ENPP2: variants seen among roughly 807,000 people sequenced by gnomAD.
The protein encoded by ENPP2 is ectonucleotide pyrophosphatase/phosphodiesterase 2.
A neutral mutation model predicts 120.2 loss-of-function variants in ENPP2; 51 were observed. The ratio of observed to expected loss-of-function variants is 0.42; its 90% CI spans 0.34 to 0.54. The LOEUF (loss-of-function observed/expected upper bound fraction) is 0.54, where lower values mean the gene tolerates loss of function less well. Ranked by LOEUF, ENPP2 falls within the 20% of genes least tolerant of loss-of-function variation. ENPP2 has a pLI of 0.04. For missense variants in ENPP2, 920 were observed against 1,066.5 expected (o/e 0.86, Z 1.91); for synonymous variants, 365 against 366.4 (o/e 1.00, Z 0.04).
chr8:119,563,352 T>A (rs1814128165), intron 23 of ENPP2, among the ~76,000 whole-genome samples: 2 of 152,184 alleles, frequency 1.3e-5, no homozygotes, highest in African/African-American at 4.8e-5. Flanking sequence ...TGGTGGGTTC[T>A]GAGTGCCAGG....
chr8:119,586,341 A>G, intron 14 of ENPP2, 28 bp from the exon 15 acceptor site: 1 of 1,610,080 alleles, frequency 6.2e-7, no homozygotes, highest in Non-Finnish European at 8.5e-7. Flanking sequence ...ATCAGACTTC[A>G]GATGGAATGT....
upstream of ENPP2, among the ~76,000 whole-genome samples, chr8:119,639,034 T>C (rs1817179624): frequency 6.6e-6 from 1 of 152,124 alleles, no homozygotes; most frequent in South Asian, 2.1e-4. Context: ...CACAGACACT[T>C]TCATGTGGTA....
intron 1 of ENPP2, among the ~76,000 whole-genome samples, chr8:119,671,396 G>T (rs1392292052): frequency 1.3e-5 from 2 of 152,218 alleles, no homozygotes; most frequent in Admixed American, 6.5e-5. Context: ...ATGGGAAGTT[G>T]TGGCCAGAAT....
rs781724289 is a variant in ENPP2 at position 119,570,763 on chromosome 8, C to T, written c.1859G>A (p.Ser620Asn). 1.3e-6 allele frequency: 2 copies of T among 1,594,534 alleles called. No homozygotes were observed. Among genetic ancestry groups the T allele is most frequent in the Non-Finnish European group, 1.7e-6 (2 of 1,167,596 alleles). ...CATTAGGAATATTTCACTATAACCA[C>T]TTTCAAAGTCAGTGTGATATAAGAT... ...YDILYHTDFE[S>N]GYSEIFLMPL... Residue 620 changes from serine (S) to asparagine (N), a missense_variant, in exon 20 of 25, where the codon AGT becomes AAT. Coordinates refer to ENST00000075322, the MANE Select transcript of ENPP2 (RefSeq NM_001040092.3).
intron 5 of ENPP2, chr8:119,618,015 A>G (rs538739015): frequency 2.4e-5 from 6 of 253,024 alleles, no homozygotes; most frequent in South Asian, 2.3e-4. Context: ...CAAGCCAGTC[A>G]TGGTTAAATC....
At chr8:119,573,599 G>A (rs1231587916) in intron 19 of ENPP2, among the ~76,000 whole-genome samples, 1 of 151,926 alleles carries the variant, frequency 6.6e-6, no homozygotes, top group African/African-American at 2.4e-5. Flanking sequence ...GATCACTTGA[G>A]GTCAGGAGTT....
Position 119,562,898 on chromosome 8 carries a change from AG to A in ENPP2, c.2379del (p.Phe794SerfsTer23). 6.2e-7 allele frequency: 1 copy of A among 1,614,176 alleles called. No homozygotes were observed. The highest frequency in any genetic ancestry group is 8.5e-7 in the Non-Finnish European group (1 of 1,180,016). ...TTGTCAGGCCGGTGAGGCAGGATGA[AG>A]GAGGACACAGAGAGAGGGCCGTCAC... is the stretch of plus-strand genomic sequence containing the variant. ...DKCDGPLSVS[S>X]FILPHRPDNE... On this transcript the variant is annotated frameshift_variant, in exon 24 of 25. Transcript: ENST00000075322. LOFTEE classifies it high-confidence loss of function.
At chr8:119,575,798 C>T (rs777429923) in intron 19 of ENPP2, among the ~76,000 whole-genome samples, 1 of 152,182 alleles carries the variant, frequency 6.6e-6, no homozygotes, top group African/African-American at 2.4e-5. Flanking sequence ...AAGGTATGGG[C>T]TCTACCTCAA....
chr8:119,573,408 T>TAAAAAAAAAAAAAAAAAAAAAAAAAAAAA (rs35227070), intron 19 of ENPP2, among the ~76,000 whole-genome samples: 1 of 124,386 alleles, frequency 8.0e-6, no homozygotes, highest in African/African-American at 3.4e-5. Context: ...CTCCGTCTCT[T>TAAAAAAAAAAAAAAAAAAAAAAAAAAAAA]AAAAAAAAAA....
intron 1 of ENPP2, among the ~76,000 whole-genome samples, chr8:119,670,967 C>T (rs1363306734): frequency 6.6e-6 from 1 of 151,912 alleles, no homozygotes; most frequent in African/African-American, 2.4e-5. Flanking sequence ...AAATGAACTG[C>T]ATGATCATAT....
rs764438025 is a variant in ENPP2 at position 119,570,745 on chromosome 8, A to G, written c.1877T>C (p.Phe626Ser). 1 of 1,592,186 alleles carries G rather than the reference A, an allele frequency of 6.3e-7. No individual in the cohort carries two copies. Residue 626 changes from phenylalanine to serine, a missense_variant, in exon 20 of 25, where the codon TTC (phenylalanine) becomes TCC (serine). Physicochemically the swap from Phe to Ser is radical, Grantham distance 155 (BLOSUM62 -2). Transcript: ENST00000075322. ...TDFESGYSEIFLMPLWTSYTV... is the reference protein window; with the variant it reads ...TDFESGYSEISLMPLWTSYTV... ...ATATGATGTCCAGAGTGGCATTAGG[A>G]ATATTTCACTATAACCACTTTCAAA...
At chr8:119,642,409 T>G (rs536795289), upstream of ENPP2, among the ~76,000 whole-genome samples, 2 of 152,318 alleles carry the variant, frequency 1.3e-5, no homozygotes, top group East Asian at 1.9e-4. Context: ...GTTTTTATTT[T>G]TAGTTTTTTT....
intron 23 of ENPP2, 142 bp from the exon 24 acceptor site, chr8:119,563,155 G>T: frequency 4.5e-6 from 3 of 662,380 alleles, no homozygotes; most frequent in Non-Finnish European, 7.6e-6. Context: ...CTAAGCACTA[G>T]CCCACTTCTA....
chr8:119,653,387 A>G (rs1485434352), intron 1 of ENPP2, among the ~76,000 whole-genome samples: 1 of 152,250 alleles, frequency 6.6e-6, no homozygotes, highest in Non-Finnish European at 1.5e-5. Context: ...AAAAAAGAGC[A>G]CAAGAGCAAG....
At chr8:119,582,323 T>C in intron 18 of ENPP2, 95 bp downstream of exon 18, 1 of 944,360 alleles carries the variant, frequency 1.1e-6, no homozygotes, top group Admixed American at 2.3e-5. Flanking sequence ...ACAGCATAAT[T>C]ATAGACCATG....
chr8:119,643,405 T>C (rs1230565914), upstream of ENPP2, among the ~76,000 whole-genome samples: 1 of 152,186 alleles, frequency 6.6e-6, no homozygotes, highest in East Asian at 1.9e-4. Flanking sequence ...CCCACAGGAT[T>C]CTCCAGTAGA....
chr8:119,627,850 A>T (rs1466500926), intron 2 of ENPP2, among the ~76,000 whole-genome samples: 1 of 135,986 alleles, frequency 7.4e-6, no homozygotes, highest in Non-Finnish European at 1.5e-5. Flanking sequence ...TAACAGAGTG[A>T]AACTCCGTCT....
At chr8:119,580,024 T>C (rs1162984736) in intron 19 of ENPP2, 92 bp downstream of exon 19, 1 of 853,900 alleles carries the variant, frequency 1.2e-6, no homozygotes, top group African/African-American at 1.7e-5. Flanking sequence ...TTTTAAACAA[T>C]ATTGTGCTTA....
chr8:119,564,724 G>A lies in ENPP2; in HGVS notation c.2264+99C>T, dbSNP rs1025587638. ...TATTGAAAAATTCAAAAAACTTAAG[G>A]GGTGTCATCTCTTCTCTAGTATATG... On this transcript the variant is annotated intron_variant, in intron 23 of 24. Transcript: ENST00000075322. The A allele has an allele frequency of 7.2e-6, 6 of 832,504 alleles. No individual in the cohort carries two copies. In the African/African-American group the frequency reaches 8.6e-5, roughly 12 times the overall value. 51.6% of individuals were successfully genotyped at this position (832,504 alleles called of 1,614,324 possible). A position where few individuals can be genotyped will look rare whatever the true frequency, so the allele number is the denominator to read the frequency against.
Sources: gnomAD v4.1 joint callset for allele counts (sites outside exome capture counted in the v4.1 genomes callset) on GRCh38, gnomAD v4.1.1 for gene constraint, MANE v1.5 for transcripts, NCBI Gene and HGNC (gene_info 2026-07-23, HGNC 2026-07-21) for gene names.